MARCHF11: variants seen among roughly 807,000 people sequenced by gnomAD.
The protein encoded by MARCHF11 is E3 ubiquitin-protein ligase MARCHF11.
MARCHF11 carries 29 observed loss-of-function variants against 37.3 expected under a neutral mutation model. The ratio of observed to expected loss-of-function variants is 0.78; its 90% confidence interval spans 0.58 to 1.06. The LOEUF (loss-of-function observed/expected upper bound fraction) is 1.06. Among genes scored for constraint, MARCHF11 ranks in the 50% least tolerant of loss-of-function variants. The pLI, the probability that MARCHF11 is intolerant of heterozygous loss-of-function variation, is 0.00. For synonymous variants in MARCHF11, 233 were observed against 228.0 expected (o/e 1.02, Z -0.20); for missense variants, 482 against 533.4 (o/e 0.90, Z 0.95).
At chr5:16,168,398 T>A (rs1738205906) in intron 2 of MARCHF11, among the ~76,000 whole-genome samples, 1 of 152,088 alleles carries the variant, frequency 6.6e-6, no homozygotes, top group Admixed American at 6.6e-5. Flanking sequence ...AGTTGTAATC[T>A]TGTTGGCTTC....
intron 2 of MARCHF11, among the ~76,000 whole-genome samples, chr5:16,147,117 G>A (rs529839424): frequency 3.3e-5 from 5 of 152,084 alleles, no homozygotes; most frequent in African/African-American, 1.2e-4. Context: ...CCATCTTTGA[G>A]GTGACTGCAT....
chr5:16,106,045 C>A (rs1737034270), intron 2 of MARCHF11, among the ~76,000 whole-genome samples: 1 of 152,122 alleles, frequency 6.6e-6, no homozygotes, highest in Non-Finnish European at 1.5e-5. Flanking sequence ...GTAGAAGAGA[C>A]CATGAGTTTC....
intron 2 of MARCHF11, among the ~76,000 whole-genome samples, chr5:16,171,940 G>T (rs1316862703): frequency 6.6e-6 from 1 of 152,190 alleles, no homozygotes; most frequent in Non-Finnish European, 1.5e-5. Context: ...AAAGGGAAAT[G>T]CACTTAAAAG....
At chr5:16,140,525 T>C (rs1737685201) in intron 2 of MARCHF11, among the ~76,000 whole-genome samples, 1 of 152,182 alleles carries the variant, frequency 6.6e-6, no homozygotes, top group Non-Finnish European at 1.5e-5. Flanking sequence ...GTGAATTCTA[T>C]GAATTCTTAA....
At chr5:16,110,631 C>T (rs1325257971) in intron 2 of MARCHF11, among the ~76,000 whole-genome samples, 5 of 152,118 alleles carry the variant, frequency 3.3e-5, no homozygotes, top group Admixed American at 6.5e-5. Flanking sequence ...AGATGATTTA[C>T]CCAAGGTCAA....
At position 16,161,894 on chromosome 5, in the gene MARCHF11, G is replaced by A. The variant is rs368298860; in HGVS notation, c.693+15832C>T. Among the ~76,000 whole-genome samples the A allele has an allele frequency of 3.0e-4, 46 of 152,020 alleles. No individual in the cohort carries two copies. In the South Asian group the frequency reaches 7.0e-3, roughly 23 times the overall value. The stretch of plus-strand genomic sequence containing the variant: ...AGGGCATTCAATGAGATGATGAAGC[G>A]TCTCTTCAAAATAATCCATCTCAGA... On this transcript the variant is annotated intron_variant, in intron 2 of 3. Coordinates refer to ENST00000332432, the MANE Select transcript of MARCHF11 (RefSeq NM_001102562.3).
In MARCHF11 at chr5:16,178,905, C is replaced by T. The variant is rs1278969551; in HGVS notation, c.537+134G>A. On this transcript the variant is annotated intron_variant, in intron 1 of 3. Transcript: ENST00000332432. ...AGGGGAAGGCATATTGGAGCCAGCG[C>T]TCACAGGGCAGAACCAGACGAGCCT... 9 of 1,120,672 alleles carry T rather than the reference C, an allele frequency of 8.0e-6. No homozygotes were observed. In the African/African-American group the frequency reaches 9.8e-5, roughly 12 times the overall value. 69.4% of individuals were successfully genotyped at this position (1,120,672 alleles called of 1,614,324 possible). A position where few individuals can be genotyped will look rare whatever the true frequency, so the allele number is the denominator to read the frequency against.
chr5:16,174,869 G>A (rs1738330637), intron 2 of MARCHF11, among the ~76,000 whole-genome samples: 1 of 152,122 alleles, frequency 6.6e-6, no homozygotes, highest in African/African-American at 2.4e-5. Context: ...TCCAGAAGTG[G>A]AGTCTATTTC....
At chr5:16,170,051 G>T (rs112086323) in intron 2 of MARCHF11, among the ~76,000 whole-genome samples, 46 of 152,144 alleles carry the variant, frequency 3.0e-4, no homozygotes, top group African/African-American at 1.0e-3. Context: ...TGTATTCACC[G>T]GTGGAAAATC....
At chr5:16,103,220 G>A (rs531108875) in intron 2 of MARCHF11, among the ~76,000 whole-genome samples, 231 of 152,260 alleles carry the variant, frequency 1.5e-3, no homozygotes, top group African/African-American at 5.3e-3. Context: ...AACTGCATCT[G>A]CTGTGGTCAT....
At chr5:16,169,310 C>G (rs750322411) in intron 2 of MARCHF11, among the ~76,000 whole-genome samples, 12 of 147,374 alleles carry the variant, frequency 8.1e-5, no homozygotes, top group Non-Finnish European at 1.2e-4. Flanking sequence ...CACTTGGCCA[C>G]CTGCACCAAA....
At chr5:16,169,907 C>A (rs959111564) in intron 2 of MARCHF11, among the ~76,000 whole-genome samples, 1 of 152,038 alleles carries the variant, frequency 6.6e-6, no homozygotes, top group Non-Finnish European at 1.5e-5. Context: ...AGAAAGAAGC[C>A]GAGTTTCCTT....
intron 2 of MARCHF11, among the ~76,000 whole-genome samples, chr5:16,140,822 G>A (rs944181969): frequency 3.3e-5 from 5 of 151,980 alleles, no homozygotes; most frequent in Admixed American, 6.6e-5. Flanking sequence ...ATGCTGGGAC[G>A]GAATTTGACA....
intron 2 of MARCHF11, among the ~76,000 whole-genome samples, chr5:16,166,081 C>A (rs1334625904): frequency 6.6e-6 from 1 of 152,042 alleles, no homozygotes; most frequent in Non-Finnish European, 1.5e-5. Context: ...GTTCAAGATA[C>A]AATCCAAGCT....
chr5:16,118,097 T>C (rs1737249643), intron 2 of MARCHF11, among the ~76,000 whole-genome samples: 1 of 152,184 alleles, frequency 6.6e-6, no homozygotes, highest in Non-Finnish European at 1.5e-5. Flanking sequence ...CAGGTGTGCC[T>C]GGCAGACAGA....
chr5:16,153,195 C>T (rs1016263444), intron 2 of MARCHF11, among the ~76,000 whole-genome samples: 1 of 151,884 alleles, frequency 6.6e-6, no homozygotes, highest in African/African-American at 2.4e-5. Flanking sequence ...GCTTGGAGGA[C>T]AAGTGGCTTG....
intron 2 of MARCHF11, among the ~76,000 whole-genome samples, chr5:16,138,383 T>C (rs372082338): frequency 2.6e-4 from 39 of 152,120 alleles, no homozygotes; most frequent in African/African-American, 8.7e-4. Flanking sequence ...TGCTCAGAAG[T>C]AAAGAAATGA....
intron 2 of MARCHF11, among the ~76,000 whole-genome samples, chr5:16,105,556 A>T (rs948366569): frequency 6.6e-6 from 1 of 152,148 alleles, no homozygotes; most frequent in Non-Finnish European, 1.5e-5. Flanking sequence ...GCCAGGCAGA[A>T]ATGTACTGAG....
At chr5:16,108,179 C>A (rs1385098558) in intron 2 of MARCHF11, among the ~76,000 whole-genome samples, 1 of 152,174 alleles carries the variant, frequency 6.6e-6, no homozygotes, top group Non-Finnish European at 1.5e-5. Flanking sequence ...GTCACAGGCA[C>A]CCACCCCTAG....
Sources: allele counts gnomAD v4.1 joint callset (sites outside exome capture counted in the v4.1 genomes callset), GRCh38; gene constraint gnomAD v4.1.1; transcripts MANE v1.5; gene names NCBI Gene and HGNC (gene_info 2026-07-23, HGNC 2026-07-21).